The following RIMS2 variants were observed in gnomAD, a reference collection of about 807,000 sequenced individuals.
The protein encoded by RIMS2 is regulating synaptic membrane exocytosis protein 2.
In RIMS2, 59 loss-of-function variants were observed where a neutral mutation model predicts 174.4. The observed-to-expected ratio is 0.34, with a 90% CI of 0.27 to 0.42. The LOEUF is 0.42. Among genes scored for constraint, RIMS2 ranks in the 10% least tolerant of loss-of-function variants. The probability of loss-of-function intolerance (pLI) is 1.00; values close to 1 mark genes in which losing one functional copy is unlikely to be tolerated. For missense variants in RIMS2, 1,620 were observed against 1,666.3 expected, an observed-to-expected ratio of 0.97 and a Z score of 0.48; for synonymous variants, 606 against 572.5, an observed-to-expected ratio of 1.06 and a Z score of -0.84.
chr8:104,017,405 T>G (rs2154554438), intron 19 of RIMS2, among the ~76,000 whole-genome samples: 1 of 152,124 alleles, frequency 6.6e-6, no homozygotes, highest in South Asian at 2.1e-4. Context: ...TATTTTATAT[T>G]TTAGTCTGTT....
chr8:103,507,555 G>A (rs1044073838), intron 1 of RIMS2, among the ~76,000 whole-genome samples: 1 of 152,012 alleles, frequency 6.6e-6, no homozygotes, highest in Non-Finnish European at 1.5e-5. Context: ...CTTAAAAAAA[G>A]ATTTGCTTAT....
At chr8:103,922,253 A>G (rs2077818062) in intron 10 of RIMS2, among the ~76,000 whole-genome samples, 1 of 151,946 alleles carries the variant, frequency 6.6e-6, no homozygotes, top group Non-Finnish European at 1.5e-5. Context: ...AAATAAAATG[A>G]TACTTGAGAT....
rs532573568 is a variant in RIMS2, at chr8:103,831,450, T to C, written c.699-53848T>C. On this transcript the variant is annotated intron_variant, in intron 3 of 23. Transcript: ENST00000504942. ...GAGTGACTCGAGGTCAGTGGTCCTT[T>C]CTACTTGTGTAACTGAATAGTCCAA... 2.6e-5 allele frequency among the ~76,000 whole-genome samples: 4 copies of C among 152,250 alleles called. No homozygotes were observed. In the East Asian group the frequency reaches 5.8e-4, roughly 22 times the overall value.
chr8:104,058,658 A>G (rs2096918808), intron 19 of RIMS2, among the ~76,000 whole-genome samples: 1 of 151,830 alleles, frequency 6.6e-6, no homozygotes, highest in Non-Finnish European at 1.5e-5. Context: ...CTGTGTCCTG[A>G]ATGGTAATGC....
intron 1 of RIMS2, among the ~76,000 whole-genome samples, chr8:103,617,158 G>T (rs2095524475): frequency 6.6e-6 from 1 of 152,120 alleles, no homozygotes; most frequent in South Asian, 2.1e-4. Flanking sequence ...TGGTATGGAT[G>T]TGAAAAGAGG....
intron 1 of RIMS2, among the ~76,000 whole-genome samples, chr8:103,569,621 T>C (rs1158163900): frequency 2.0e-5 from 3 of 152,078 alleles, no homozygotes; most frequent in Non-Finnish European, 4.4e-5. Flanking sequence ...TTTTGATTTT[T>C]TTTTTGTTTA....
At position 103,736,990 on chromosome 8, in the gene RIMS2, T is replaced by C. The variant is rs540129437; in HGVS notation, c.388-29237T>C. The stretch of plus-strand genomic sequence containing the variant: ...GAGAATAGAAGATGGGAATAGAAGA[T>C]GGGCTTTAAATATAATCTGTGTACC... On this transcript the variant is annotated intron_variant, in intron 2 of 23. Coordinates refer to ENST00000504942, the Ensembl canonical transcript of RIMS2. 7.2e-5 allele frequency among the ~76,000 whole-genome samples: 11 copies of C among 152,190 alleles called. No individual in the cohort carries two copies. In the South Asian group the frequency reaches 2.3e-3, roughly 32 times the overall value.
chr8:103,871,428 A>G (rs988030057), intron 3 of RIMS2, among the ~76,000 whole-genome samples: 2 of 152,216 alleles, frequency 1.3e-5, no homozygotes, highest in African/African-American at 2.4e-5. Context: ...GGGACTTTGT[A>G]TAATATAAAA....
chr8:103,787,910 A>G (rs1592365790), intron 3 of RIMS2, among the ~76,000 whole-genome samples: 2 of 152,092 alleles, frequency 1.3e-5, no homozygotes, highest in East Asian at 1.9e-4. Context: ...AGGTACACCA[A>G]TCAGACGTAG....
intron 19 of RIMS2, among the ~76,000 whole-genome samples, chr8:104,123,591 T>A (rs2098403374): frequency 6.6e-6 from 1 of 151,890 alleles, no homozygotes; most frequent in African/African-American, 2.4e-5. Flanking sequence ...TTCTGTTATT[T>A]CTTAAATATG....
At chr8:103,825,446 A>ATTTTT (rs35460743) in intron 3 of RIMS2, among the ~76,000 whole-genome samples, 16,495 of 131,580 alleles carry the variant, frequency 0.13, 1,107 homozygotes, top group Middle Eastern at 0.23. Context: ...TGGCTAGCTA[A>ATTTTT]TTTTTTTTTT....
intron 19 of RIMS2, among the ~76,000 whole-genome samples, chr8:104,063,652 CTTGAGT>C (rs1417231707): frequency 2.0e-5 from 3 of 152,108 alleles, no homozygotes; most frequent in Non-Finnish European, 4.4e-5. Context: ...GGGGTTCTTT[CTTGAGT>C]TTGCATATTG....
intron 1 of RIMS2, among the ~76,000 whole-genome samples, chr8:103,692,567 T>C (rs1275363020): frequency 6.6e-6 from 1 of 152,274 alleles, no homozygotes; most frequent in Non-Finnish European, 1.5e-5. Flanking sequence ...GCATTCCTGC[T>C]GACTATTCAG....
In RIMS2 at chr8:103,664,826, T is replaced by C. The variant is rs113192936; in HGVS notation, c.177-32260T>C. ...ATGCTATTATAAAGACACATGCACA[T>C]GTATGTTTATTGTGGCACTATTCAC... On this transcript the variant is annotated intron_variant, in intron 1 of 23. Coordinates refer to ENST00000504942, the Ensembl canonical transcript of RIMS2. Among the ~76,000 whole-genome samples, 510 of 152,266 alleles carry C rather than the reference T, an allele frequency of 3.3e-3. 2 individuals carry two copies. The highest frequency in any genetic ancestry group is 0.011 in the African/African-American group (438 of 41,544).
chr8:104,207,069 A>G (rs2099083541), intron 19 of RIMS2, among the ~76,000 whole-genome samples: 1 of 152,210 alleles, frequency 6.6e-6, no homozygotes, highest in Non-Finnish European at 1.5e-5. Context: ...CTAGTTAATG[A>G]GAGACTAGGA....
chr8:103,758,581 AG>A (rs1219260801), intron 2 of RIMS2, among the ~76,000 whole-genome samples: 3 of 152,114 alleles, frequency 2.0e-5, no homozygotes, highest in Non-Finnish European at 2.9e-5. Flanking sequence ...TTAAACCATA[AG>A]ACCTGTGCTC....
intron 12 of RIMS2, among the ~76,000 whole-genome samples, chr8:103,935,598 T>C (rs989353959): frequency 2.0e-5 from 3 of 152,198 alleles, no homozygotes; most frequent in East Asian, 1.9e-4. Flanking sequence ...ACTGTTCTAA[T>C]TGGAGTTTGT....
chr8:103,624,668 T>A (rs2095735103), intron 1 of RIMS2, among the ~76,000 whole-genome samples: 1 of 152,318 alleles, frequency 6.6e-6, no homozygotes, highest in Non-Finnish European at 1.5e-5. Context: ...TTTTATTCTA[T>A]TTAATACACA....
intron 1 of RIMS2, among the ~76,000 whole-genome samples, chr8:103,609,500 A>C (rs2095289971): frequency 6.6e-6 from 1 of 152,024 alleles, no homozygotes; most frequent in African/African-American, 2.4e-5. Context: ...TTTACATTTG[A>C]CTCTTTAATC....
Sources: gnomAD v4.1 joint callset for allele counts (sites outside exome capture counted in the v4.1 genomes callset) on GRCh38, gnomAD v4.1.1 for gene constraint, MANE v1.5 for transcripts, NCBI Gene and HGNC (gene_info 2026-07-23, HGNC 2026-07-21) for gene names.